Variants in SPOCK3 observed in about 807,000 individuals in gnomAD.
SPOCK3 encodes SPARC (osteonectin), cwcv and kazal like domains proteoglycan 3, also known as testican-3.
A neutral mutation model predicts 56.6 loss-of-function variants in SPOCK3; 30 were observed. The ratio of observed to expected loss-of-function variants is 0.53; its 90% CI spans 0.40 to 0.72. SPOCK3 has a LOEUF of 0.72. Among genes scored for constraint, SPOCK3 ranks in the 30% least tolerant of loss-of-function variants. The probability of loss-of-function intolerance (pLI) is 0.00; values close to 1 mark genes in which losing one functional copy is unlikely to be tolerated. For missense variants in SPOCK3, 527 were observed against 530.0 expected, an observed-to-expected ratio of 0.99 and a Z score of 0.06; for synonymous variants, 196 against 183.3, an observed-to-expected ratio of 1.07 and a Z score of -0.56.
chr4:167,055,556 A>G (rs1264072774), intron 3 of SPOCK3, among the ~76,000 whole-genome samples: 3 of 152,174 alleles, frequency 2.0e-5, no homozygotes, highest in African/African-American at 7.2e-5. Flanking sequence ...AGTCAAAGAA[A>G]GGGGTGACAG....
intron 4 of SPOCK3, among the ~76,000 whole-genome samples, chr4:166,994,972 G>T (rs564786327): frequency 6.0e-4 from 91 of 152,210 alleles, no homozygotes; most frequent in African/African-American, 2.0e-3. Flanking sequence ...ATATAGGGTG[G>T]TGGTAAGATA....
At chr4:167,016,760 T>C (rs1750669370) in intron 3 of SPOCK3, among the ~76,000 whole-genome samples, 1 of 152,082 alleles carries the variant, frequency 6.6e-6, no homozygotes, top group African/African-American at 2.4e-5. Flanking sequence ...AAGGCTGGTA[T>C]TGAACTCCTG....
intron 6 of SPOCK3, among the ~76,000 whole-genome samples, chr4:166,857,296 C>T (rs1730795655): frequency 1.3e-5 from 2 of 152,182 alleles, no homozygotes; most frequent in Non-Finnish European, 2.9e-5. Flanking sequence ...CCGCCCAAGG[C>T]TCAGACCCCA....
intron 2 of SPOCK3, among the ~76,000 whole-genome samples, chr4:167,216,865 A>G (rs1735414390): frequency 1.3e-5 from 2 of 152,152 alleles, no homozygotes; most frequent in South Asian, 4.1e-4. Flanking sequence ...GGCCCAGAAG[A>G]TTAGCTTTGG....
intron 2 of SPOCK3, among the ~76,000 whole-genome samples, chr4:167,172,769 T>C (rs949353454): frequency 2.0e-5 from 3 of 152,164 alleles, no homozygotes; most frequent in African/African-American, 4.8e-5. Flanking sequence ...TGTGTATATG[T>C]ATATGTGTTT....
At chr4:167,019,970 G>A (rs1751011486) in intron 3 of SPOCK3, among the ~76,000 whole-genome samples, 1 of 152,090 alleles carries the variant, frequency 6.6e-6, no homozygotes, top group Admixed American at 6.6e-5. Flanking sequence ...AGCTGCATTG[G>A]CATGGGTTGC....
At chr4:166,958,358 T>G (rs538947849) in intron 4 of SPOCK3, among the ~76,000 whole-genome samples, 47 of 152,318 alleles carry the variant, frequency 3.1e-4, no homozygotes, top group African/African-American at 1.0e-3. Flanking sequence ...TCTGCAGAAC[T>G]GTGAGCCAAT....
At chr4:167,021,772 G>T (rs1188268528) in intron 3 of SPOCK3, among the ~76,000 whole-genome samples, 2 of 151,950 alleles carry the variant, frequency 1.3e-5, no homozygotes, top group Non-Finnish European at 2.9e-5. Flanking sequence ...TCCAAATCAA[G>T]ATAATTTCGG....
intron 3 of SPOCK3, among the ~76,000 whole-genome samples, chr4:167,009,880 T>A (rs1311207351): frequency 6.6e-6 from 1 of 151,448 alleles, no homozygotes; most frequent in Non-Finnish European, 1.5e-5. Context: ...AATATAGAAA[T>A]ATAAAAACAA....
At chr4:166,927,455 A>G (rs1403167554) in intron 4 of SPOCK3, among the ~76,000 whole-genome samples, 1 of 152,132 alleles carries the variant, frequency 6.6e-6, no homozygotes, top group African/African-American at 2.4e-5. Flanking sequence ...GGCTTTCTCA[A>G]CCACGTGGAA....
At chr4:166,869,791 C>T (rs751778641) in intron 6 of SPOCK3, among the ~76,000 whole-genome samples, 7 of 152,100 alleles carry the variant, frequency 4.6e-5, no homozygotes, top group East Asian at 1.9e-4. Context: ...AATCATCACA[C>T]GAAATCTGGA....
At chr4:167,027,211 T>C (rs528850379) in intron 3 of SPOCK3, among the ~76,000 whole-genome samples, 2 of 152,156 alleles carry the variant, frequency 1.3e-5, no homozygotes, top group South Asian at 4.1e-4. Flanking sequence ...TCACACAGTC[T>C]TCACAATTTA....
chr4:166,822,229 A>G (rs1032677981), intron 6 of SPOCK3, among the ~76,000 whole-genome samples: 1 of 152,002 alleles, frequency 6.6e-6, no homozygotes, highest in Non-Finnish European at 1.5e-5. Flanking sequence ...CTGAAGCTTA[A>G]TGCTCTGCCT....
chr4:167,103,502 G>C (rs1759835103), intron 2 of SPOCK3, among the ~76,000 whole-genome samples: 1 of 152,176 alleles, frequency 6.6e-6, no homozygotes, highest in African/African-American at 2.4e-5. Flanking sequence ...AGGCTCCTCT[G>C]TCCATGGAAG....
chr4:167,041,085 A>G (rs1011908754), intron 3 of SPOCK3, among the ~76,000 whole-genome samples: 2 of 152,228 alleles, frequency 1.3e-5, no homozygotes, highest in African/African-American at 4.8e-5. Context: ...GGAGAATCTC[A>G]GAATCTGGAG....
At chr4:167,064,472 C>T (rs1755908615) in intron 2 of SPOCK3, among the ~76,000 whole-genome samples, 1 of 151,684 alleles carries the variant, frequency 6.6e-6, no homozygotes, top group Non-Finnish European at 1.5e-5. Flanking sequence ...TTAAATTACT[C>T]CACTAAATGT....
At chr4:167,056,008 G>T (rs953886866) in intron 3 of SPOCK3, among the ~76,000 whole-genome samples, 1 of 152,162 alleles carries the variant, frequency 6.6e-6, no homozygotes, top group Non-Finnish European at 1.5e-5. Context: ...CCTGAAGTGG[G>T]TCCCTGACAG....
At chr4:166,855,828 C>T (rs1730588787) in intron 6 of SPOCK3, among the ~76,000 whole-genome samples, 2 of 152,134 alleles carry the variant, frequency 1.3e-5, no homozygotes, top group African/African-American at 4.8e-5. Flanking sequence ...TACCAAGTTT[C>T]TAACACTTTC....
At chr4:167,165,742 G>A (rs1765702202) in intron 2 of SPOCK3, among the ~76,000 whole-genome samples, 1 of 152,058 alleles carries the variant, frequency 6.6e-6, no homozygotes, top group African/African-American at 2.4e-5. Context: ...AGCATGTAGT[G>A]TGAGAGAGGC....
Sources: allele counts gnomAD v4.1 joint callset (sites outside exome capture counted in the v4.1 genomes callset), GRCh38; gene constraint gnomAD v4.1.1; transcripts MANE v1.5; gene names NCBI Gene and HGNC (gene_info 2026-07-23, HGNC 2026-07-21).